STARD9: variants seen among roughly 807,000 people sequenced by gnomAD.
STARD9 encodes the protein stAR-related lipid transfer protein 9.
In STARD9, 346 loss-of-function variants were observed where a neutral mutation model predicts 399.8. The observed-to-expected ratio is 0.87, with a 90% CI of 0.79 to 0.95. The LOEUF is 0.95. Among genes scored for constraint, STARD9 ranks in the 40% least tolerant of loss-of-function variants. STARD9 has a pLI of 0.00. For missense variants in STARD9, 5,832 were observed against 5,667.5 expected, an observed-to-expected ratio of 1.03 and a Z score of -0.93; for synonymous variants, 2,203 against 2,143.5, an observed-to-expected ratio of 1.03 and a Z score of -0.77.
chr15:42,634,257 A>T (rs1020350166), intron 3 of STARD9, among the ~76,000 whole-genome samples: 1 of 152,108 alleles, frequency 6.6e-6, no homozygotes, highest in African/African-American at 2.4e-5. Flanking sequence ...AGGACTTCCA[A>T]GCAGTATACC....
At chr15:42,657,541 A>G (rs903500885) in intron 9 of STARD9, among the ~76,000 whole-genome samples, 7 of 152,202 alleles carry the variant, frequency 4.6e-5, no homozygotes, top group Non-Finnish European at 8.8e-5. Flanking sequence ...CAGTTCAACA[A>G]TGGTTGGATA....
chr15:42,662,435 C>G (rs949507061), intron 10 of STARD9, among the ~76,000 whole-genome samples: 3 of 152,006 alleles, frequency 2.0e-5, no homozygotes, highest in Admixed American at 6.6e-5. Flanking sequence ...CAGCTAACGG[C>G]ACAAATACCA....
At chr15:42,627,680 A>G (rs899584747) in intron 3 of STARD9, among the ~76,000 whole-genome samples, 2 of 152,014 alleles carry the variant, frequency 1.3e-5, no homozygotes, top group African/African-American at 4.8e-5. Flanking sequence ...AGCTCCCACA[A>G]GTTTGTCTTT....
chr15:42,651,061 T>C lies in STARD9; in HGVS notation c.605T>C (p.Leu202Pro). The stretch of plus-strand genomic sequence containing the variant: ...ACCAATTATAAGCAAGTAATCCAAC[T>C]CTTGGAGGAGGGAATTGCAAACAGG... The part of the protein sequence containing the change: ...VVTNYKQVIQ[L>P]LEEGIANRIT... Residue 202 changes from leucine to proline, a missense_variant, in exon 8 of 33, where the codon CTC becomes CCC. Leu to Pro is a moderately conservative substitution (Grantham distance 98). This residue lies in a region of STARD9 where 5,828 missense variants were observed against 5,651.1 expected (regional missense o/e 1.03). Coordinates refer to ENST00000290607, the MANE Select transcript of STARD9 (RefSeq NM_020759.3). 2 of 1,535,220 alleles carry C rather than the reference T, an allele frequency of 1.3e-6. No individual in the cohort carries two copies. The highest frequency in any genetic ancestry group is 1.7e-6 in the Non-Finnish European group (2 of 1,145,478).
chr15:42,593,944 A>T (rs2058454007), intron 3 of STARD9, among the ~76,000 whole-genome samples: 1 of 151,962 alleles, frequency 6.6e-6, no homozygotes. Context: ...CTGGGATTAC[A>T]GGCGTGAGCC....
intron 9 of STARD9, among the ~76,000 whole-genome samples, chr15:42,658,223 C>T (rs532420094): frequency 7.9e-5 from 12 of 152,132 alleles, no homozygotes; most frequent in African/African-American, 2.9e-4. Context: ...TGGCTCACTG[C>T]AGCCTCAACC....
Position 42,663,846 on chromosome 15 carries a change from A to C in STARD9, c.1105A>C (p.Ser369Arg), listed in dbSNP as rs902617716. ...ATVSPAHTSY[S>R]ETMSTLRYAS... The stretch of plus-strand genomic sequence containing the variant: ...GGTGTCTCCTGCACACACTAGCTAC[A>C]GTGAGACCATGAGCACACTGAGATA... Residue 369 changes from serine to arginine, a missense_variant, in exon 13 of 33, where the codon AGT (serine) becomes CGT (arginine). Ser to Arg is a moderately radical substitution (Grantham distance 110). Transcript: ENST00000290607. 1.4e-5 allele frequency: 22 copies of C among 1,537,032 alleles called. No homozygotes were observed. The highest frequency in any genetic ancestry group is 1.8e-5 in the Non-Finnish European group (21 of 1,146,688).
In STARD9 at chr15:42,682,113, G is replaced by A; in HGVS notation, c.2075G>A (p.Cys692Tyr). The A allele has an allele frequency of 6.5e-7, 1 of 1,536,318 alleles. No individual in the cohort carries two copies. The highest frequency in any genetic ancestry group is 1.2e-5 in the South Asian group (1 of 83,972). The change falls in exon 22 of 33, where the codon TGT (cysteine) becomes TAT (tyrosine). Residue 692 changes from cysteine (C) to tyrosine (Y), a missense_variant. Coordinates refer to ENST00000290607, the MANE Select transcript of STARD9 (RefSeq NM_020759.3). ...ISQQIKENQQ[C>Y]LLREETWLAS... is the part of the protein sequence containing the mutation. ...TGTTTTTGGTTCCCAGACCAGCAGTGTCTGCTCAGAGAAGAGACCTGGCTG... is the reference window on the plus strand; with the variant it reads ...TGTTTTTGGTTCCCAGACCAGCAGTATCTGCTCAGAGAAGAGACCTGGCTG...
rs1045988230 is a variant in STARD9, at chr15:42,719,923, C to T, written c.*349C>T. 7 of 198,258 alleles carry T rather than the reference C, an allele frequency of 3.5e-5. No homozygotes were observed. The highest frequency in any genetic ancestry group is 1.3e-4 in the East Asian group (1 of 7,534). The allele number at this position is 198,258 out of a possible 1,614,324, so 12.3% of individuals were successfully genotyped here. A position where few individuals can be genotyped will look rare whatever the true frequency, so the allele number is the denominator to read the frequency against. On this transcript the variant is annotated 3_prime_UTR_variant, in exon 33 of 33. Coordinates refer to ENST00000290607, the MANE Select transcript of STARD9 (RefSeq NM_020759.3). Reference sequence around the variant, plus strand: ...CAGGACTGGGCACAGCCAGCAGAGCCGGGGACTGCAGTGCTTTGGCAAGGT... The same window carrying T: ...CAGGACTGGGCACAGCCAGCAGAGCTGGGGACTGCAGTGCTTTGGCAAGGT...
At chr15:42,697,051 C>T (rs747039046) in intron 26 of STARD9, among the ~76,000 whole-genome samples, 13 of 152,172 alleles carry the variant, frequency 8.5e-5, no homozygotes, top group Non-Finnish European at 1.6e-4. Context: ...TAGCAAAAGA[C>T]ATACAATGTC....
At chr15:42,665,987 C>G in intron 15 of STARD9, 139 bp downstream of exon 15, 1 of 731,900 alleles carries the variant, frequency 1.4e-6, no homozygotes, top group East Asian at 2.7e-5. Context: ...TTCCTTTAAG[C>G]CTTGACCGGG....
chr15:42,595,137 GACTGAA>G (rs945995562), intron 3 of STARD9, among the ~76,000 whole-genome samples: 3 of 152,110 alleles, frequency 2.0e-5, no homozygotes, highest in Non-Finnish European at 4.4e-5. Flanking sequence ...GTGGAAGAAT[GACTGAA>G]ACTGAGGAGG....
In STARD9 at chr15:42,691,027, C is replaced by T; in HGVS notation, c.9449C>T (p.Ser3150Phe). 1 of 1,537,200 alleles carries T rather than the reference C, an allele frequency of 6.5e-7. No individual in the cohort carries two copies. ...GPHTLDLSEG[S>F]AESKLVVEPQ... ...CACACCCTGGATTTAAGTGAAGGGT[C>T]TGCTGAGAGCAAGTTGGTGGTAGAG... Residue 3150 changes from serine (S) to phenylalanine (F), a missense_variant, in exon 23 of 33, where the codon TCT becomes TTT. Transcript: ENST00000290607.
intron 18 of STARD9, 48 bp downstream of exon 18, chr15:42,675,012 G>C: frequency 6.9e-7 from 1 of 1,456,908 alleles, no homozygotes; most frequent in Non-Finnish European, 9.0e-7. Context: ...TGATGGACCA[G>C]CTCCAGTTTC....
intron 7 of STARD9, among the ~76,000 whole-genome samples, chr15:42,648,093 T>G (rs1437190638): frequency 6.6e-6 from 1 of 152,208 alleles, no homozygotes; most frequent in African/African-American, 2.4e-5. Context: ...TATCTCTGAG[T>G]GCCTTCTACT....
In STARD9 at chr15:42,662,795, G is replaced by T; in HGVS notation, c.772G>T (p.Glu258Ter). Reference protein sequence around the residue: ...KINLVDLAGSERADPSYCKDR... With the variant: ...KINLVDLAGS ...TGTTTTTCATTGACTGTGTTTTAGCGAAAGAGCAGATCCCAGTTACTGTAA... is the reference window on the plus strand; with the variant it reads ...TGTTTTTCATTGACTGTGTTTTAGCTAAAGAGCAGATCCCAGTTACTGTAA... The change falls in exon 11 of 33, where the codon GAA (glutamate) becomes TAA (stop). Residue 258 changes from glutamate to a stop codon, truncating the protein, a stop_gained and splice_region_variant. Transcript: ENST00000290607. LOFTEE classifies it high-confidence loss of function. 2.6e-6 allele frequency: 4 copies of T among 1,536,256 alleles called. No homozygotes were observed. The highest frequency in any genetic ancestry group is 3.5e-6 in the Non-Finnish European group (4 of 1,145,912).
In STARD9 at chr15:42,694,215, A is replaced by G. The variant is rs1236614545; in HGVS notation, c.12637A>G (p.Thr4213Ala). The change falls in exon 23 of 33, where the codon ACA becomes GCA. Residue 4213 changes from threonine to alanine, a missense_variant. Thr to Ala is a moderately conservative substitution (Grantham distance 58). This residue lies in a region of STARD9 where 5,828 missense variants were observed against 5,651.1 expected (regional missense o/e 1.03). Transcript: ENST00000290607. ...AQNLSLSVELTEAKLHHGFGE... is the reference protein window; with the variant it reads ...AQNLSLSVELAEAKLHHGFGE... ...GAACCTCTCACTCAGCGTGGAACTC[A>G]CAGAAGCGAAACTGCACCATGGCTT... The G allele has an allele frequency of 2.6e-6, 4 of 1,535,644 alleles. No homozygotes were observed. In the South Asian group the frequency reaches 4.8e-5, roughly 18 times the overall value.
Position 42,673,424 on chromosome 15 carries a change from C to G in STARD9, c.1498-1016C>G, listed in dbSNP as rs538618360. On this transcript the variant is annotated intron_variant, in intron 16 of 32. Transcript: ENST00000290607. ...CTCAAAAAAAACAAAACAAAATAAACAAAAAGACATTCATTACTGGGGAGG... is the reference window on the plus strand; with the variant it reads ...CTCAAAAAAAACAAAACAAAATAAAGAAAAAGACATTCATTACTGGGGAGG... Among the ~76,000 whole-genome samples the G allele has an allele frequency of 2.0e-5, 3 of 151,926 alleles. No individual in the cohort carries two copies. In the South Asian group the frequency reaches 6.2e-4, roughly 32 times the overall value.
At chr15:42,703,069 A>G (rs1417016821) in intron 26 of STARD9, among the ~76,000 whole-genome samples, 1 of 152,186 alleles carries the variant, frequency 6.6e-6, no homozygotes, top group Non-Finnish European at 1.5e-5. Context: ...TGTTGGGATT[A>G]CAAGCATAAG....
Sources: allele counts gnomAD v4.1 joint callset (sites outside exome capture counted in the v4.1 genomes callset), GRCh38; gene constraint gnomAD v4.1.1; regional missense constraint gnomAD v4.1.1; transcripts MANE v1.5; gene names NCBI Gene and HGNC (gene_info 2026-07-23, HGNC 2026-07-21).